VDAC1: variants seen among roughly 807,000 people sequenced by gnomAD.
The protein encoded by VDAC1 is voltage dependent anion channel 1, also known as non-selective voltage-gated ion channel VDAC1.
In VDAC1, 10 loss-of-function variants were observed where a neutral mutation model predicts 34.7. The observed-to-expected ratio is 0.29, with a 90% CI of 0.18 to 0.49. VDAC1 has a LOEUF of 0.49. VDAC1 is among the 20% of genes least tolerant of loss of function. VDAC1 has a pLI of 0.99. For synonymous variants in VDAC1, 130 were observed against 136.0 expected (o/e 0.96, Z 0.30); for missense variants, 230 against 347.9 (o/e 0.66, Z 2.69).
chr5:134,049,780 C>T, the VDAC1 span, among the ~76,000 whole-genome samples: 1 of 151,956 alleles, frequency 6.6e-6, no homozygotes, highest in Non-Finnish European at 1.5e-5. Flanking sequence ...GGGGTTTAGC[C>T]ATGTTGGCCA....
chr5:134,043,825 G>A, the VDAC1 span, among the ~76,000 whole-genome samples: 2 of 152,104 alleles, frequency 1.3e-5, no homozygotes, highest in African/African-American at 2.4e-5. Flanking sequence ...GAGCCACCGC[G>A]CCCAGCCTAG....
intron 1 of VDAC1, among the ~76,000 whole-genome samples, chr5:133,999,424 T>C (rs1753453372): frequency 6.6e-6 from 1 of 152,204 alleles, no homozygotes; most frequent in Admixed American, 6.5e-5. Flanking sequence ...CTACACTGGA[T>C]ACTCTGTCTG....
At chr5:134,047,352 G>T in the VDAC1 span, among the ~76,000 whole-genome samples, 1 of 152,106 alleles carries the variant, frequency 6.6e-6, no homozygotes, top group Non-Finnish European at 1.5e-5. Context: ...CACAGAGAGG[G>T]GGCCACTTCA....
the VDAC1 span, among the ~76,000 whole-genome samples, chr5:134,053,974 T>C: frequency 6.6e-6 from 1 of 152,216 alleles, no homozygotes; most frequent in African/African-American, 2.4e-5. Flanking sequence ...AACAATCAGC[T>C]CCTTTGTTGT....
the VDAC1 span, among the ~76,000 whole-genome samples, chr5:134,075,390 A>G: frequency 6.6e-6 from 1 of 152,132 alleles, no homozygotes; most frequent in South Asian, 2.1e-4. Flanking sequence ...TCCACACACT[A>G]GTCACACTCC....
At chr5:134,008,941 C>A (rs1437187057), upstream of VDAC1, among the ~76,000 whole-genome samples, 1 of 152,156 alleles carries the variant, frequency 6.6e-6, no homozygotes, top group Non-Finnish European at 1.5e-5. Context: ...TCAGGCCACA[C>A]TCCCCACACT....
At chr5:134,015,105 A>G in the VDAC1 span, among the ~76,000 whole-genome samples, 7 of 152,198 alleles carry the variant, frequency 4.6e-5, no homozygotes, top group African/African-American at 1.4e-4. Flanking sequence ...GAATGAATGC[A>G]GGAATAGAAA....
At position 133,972,622 on chromosome 5, in the gene VDAC1, C is replaced by T; in HGVS notation, c.*149G>A. On this transcript the variant is annotated 3_prime_UTR_variant, in exon 9 of 9. Coordinates refer to ENST00000265333, the MANE Select transcript of VDAC1 (RefSeq NM_003374.3). The stretch of plus-strand genomic sequence containing the variant: ...TTCTTCTGTACCTCTGGAAGGGTAA[C>T]ATCTTAAAGCTGAATCAACTTTAAC... The T allele has an allele frequency of 1.5e-6, 1 of 665,232 alleles. No individual in the cohort carries two copies. Among genetic ancestry groups the T allele is most frequent in the Non-Finnish European group, 2.5e-6 (1 of 399,160 alleles). 41.2% of individuals were successfully genotyped at this position (665,232 alleles called of 1,614,324 possible).
rs747485326 is a variant in VDAC1, at chr5:133,989,766, G to A, written c.323+1089C>T. Among the ~76,000 whole-genome samples the A allele has an allele frequency of 4.6e-5, 7 of 151,890 alleles. No individual in the cohort carries two copies. In the South Asian group the frequency reaches 6.2e-4, roughly 14 times the overall value. ...CAACCTCTGCCTCCCAGGTTCAAGC[G>A]ATTCTCCTGCCTCAGCCTCCCAAGT... On this transcript the variant is annotated intron_variant, in intron 5 of 8. Transcript: ENST00000265333.
chr5:134,103,456 C>T, the VDAC1 span, among the ~76,000 whole-genome samples: 1 of 152,022 alleles, frequency 6.6e-6, no homozygotes, highest in African/African-American at 2.4e-5. Flanking sequence ...CAACTGACAC[C>T]GTTGTTTCTC....
chr5:134,113,454 C>T, the VDAC1 span, among the ~76,000 whole-genome samples: 10 of 152,262 alleles, frequency 6.6e-5, no homozygotes, highest in Admixed American at 5.9e-4. Context: ...GCACGGCTGT[C>T]TTCCGGCCCG....
At chr5:134,088,332 G>A in the VDAC1 span, among the ~76,000 whole-genome samples, 1 of 152,238 alleles carries the variant, frequency 6.6e-6, no homozygotes, top group South Asian at 2.1e-4. Context: ...CTACTGAAAA[G>A]GGGGCCCCCA....
the VDAC1 span, among the ~76,000 whole-genome samples, chr5:134,039,088 T>C: frequency 1.3e-5 from 2 of 152,222 alleles, no homozygotes; most frequent in African/African-American, 4.8e-5. Flanking sequence ...AGTAGGTCCA[T>C]GCAAGCAAAG....
At chr5:133,991,263 G>T (rs987816129) in intron 3 of VDAC1, 109 bp from the exon 4 acceptor site, 16 of 1,387,752 alleles carry the variant, frequency 1.2e-5, no homozygotes, top group South Asian at 1.0e-4. Flanking sequence ...CCCTGAATGT[G>T]GGGGGGCCAA....
At chr5:134,031,978 A>T in the VDAC1 span, among the ~76,000 whole-genome samples, 1 of 149,916 alleles carries the variant, frequency 6.7e-6, no homozygotes, top group African/African-American at 2.5e-5. Flanking sequence ...AGAACAAAAA[A>T]ATTAGCTGGG....
the VDAC1 span, among the ~76,000 whole-genome samples, chr5:134,028,294 G>C: frequency 6.8e-6 from 1 of 147,674 alleles, no homozygotes; most frequent in African/African-American, 2.5e-5. Context: ...CACCATGCCT[G>C]GCTAATTTTT....
chr5:133,988,542 A>T (rs1204109482), intron 5 of VDAC1, among the ~76,000 whole-genome samples: 2 of 152,084 alleles, frequency 1.3e-5, no homozygotes, highest in Non-Finnish European at 2.9e-5. Context: ...AGGCAGGTGG[A>T]TCACGAGGTC....
At chr5:134,026,527 A>C in the VDAC1 span, among the ~76,000 whole-genome samples, 54 of 151,660 alleles carry the variant, frequency 3.6e-4, no homozygotes, top group African/African-American at 1.2e-3. Flanking sequence ...AAAAAAAAAA[A>C]AAAAAAAAAA....
At chr5:134,001,766 A>ACT (rs1753568185) in intron 1 of VDAC1, among the ~76,000 whole-genome samples, 2 of 150,906 alleles carry the variant, frequency 1.3e-5, no homozygotes, top group South Asian at 4.2e-4. Context: ...CAAGACAGTG[A>ACT]CTTGACCTGT....
Sources: allele counts gnomAD v4.1 joint callset (sites outside exome capture counted in the v4.1 genomes callset), GRCh38; gene constraint gnomAD v4.1.1; transcripts MANE v1.5; gene names NCBI Gene and HGNC (gene_info 2026-07-23, HGNC 2026-07-21).